Variants in LARGE1 observed in about 807,000 individuals in gnomAD.
LARGE1 encodes the protein LARGE xylosyl- and glucuronyltransferase 1.
Under a neutral mutation model 87.6 loss-of-function variants are expected in LARGE1, and 43 were observed. That is an observed-to-expected ratio of 0.49 (90% CI 0.38 to 0.63). LARGE1 has a LOEUF of 0.63. Ranked by LOEUF, LARGE1 falls within the 30% of genes least tolerant of loss-of-function variation. The probability of loss-of-function intolerance (pLI) is 0.00; values close to 1 mark genes in which losing one functional copy is unlikely to be tolerated. For missense variants in LARGE1, 802 were observed against 1,000.2 expected, an observed-to-expected ratio of 0.80 and a Z score of 2.67; for synonymous variants, 434 against 394.6, an observed-to-expected ratio of 1.10 and a Z score of -1.18.
At chr22:33,483,208 C>CGGA (rs1569203093) in intron 6 of LARGE1, among the ~76,000 whole-genome samples, 1 of 152,134 alleles carries the variant, frequency 6.6e-6, no homozygotes, top group African/African-American at 2.4e-5. Flanking sequence ...TAGCATCATC[C>CGGA]GGAGGCTCGG....
intron 6 of LARGE1, among the ~76,000 whole-genome samples, chr22:33,511,501 G>A (rs2071054384): frequency 6.6e-6 from 1 of 152,110 alleles, no homozygotes; most frequent in Non-Finnish European, 1.5e-5. Flanking sequence ...TGGATTTTAG[G>A]TGACCTAAGA....
At chr22:33,359,560 C>CTTTTTTTT (rs539990533) in intron 9 of LARGE1, among the ~76,000 whole-genome samples, 38 of 119,234 alleles carry the variant, frequency 3.2e-4, no homozygotes, top group African/African-American at 1.1e-3. Flanking sequence ...GCAGACTCAT[C>CTTTTTTTT]TTTTTTTTTT....
intron 2 of LARGE1, among the ~76,000 whole-genome samples, chr22:33,723,221 C>T (rs564511217): frequency 5.3e-5 from 8 of 152,242 alleles, no homozygotes; most frequent in Non-Finnish European, 1.0e-4. Context: ...TTAAAAGAAC[C>T]GTATGAAGCT....
At chr22:33,412,809 T>C (rs946394507) in intron 7 of LARGE1, among the ~76,000 whole-genome samples, 1 of 152,212 alleles carries the variant, frequency 6.6e-6, no homozygotes, top group Non-Finnish European at 1.5e-5. Flanking sequence ...TACAGGCATG[T>C]GACCCCATGC....
intron 2 of LARGE1, among the ~76,000 whole-genome samples, chr22:33,714,371 A>G (rs904304237): frequency 6.6e-6 from 1 of 152,178 alleles, no homozygotes; most frequent in Admixed American, 6.5e-5. Flanking sequence ...CTGGCTGTGT[A>G]CCATGGAGAC....
chr22:33,290,200 C>T (rs1932278125), intron 12 of LARGE1, among the ~76,000 whole-genome samples: 1 of 152,122 alleles, frequency 6.6e-6, no homozygotes. Context: ...TAACTCCATC[C>T]TTTCCTCTAG....
chr22:33,898,339 T>A (rs1569020942), intron 1 of LARGE1, among the ~76,000 whole-genome samples: 1 of 152,184 alleles, frequency 6.6e-6, no homozygotes, highest in Non-Finnish European at 1.5e-5. Flanking sequence ...TTGGTCCACA[T>A]CCCTCTTGGG....
chr22:33,456,361 C>CA (rs921882885), intron 6 of LARGE1, among the ~76,000 whole-genome samples: 16 of 152,234 alleles, frequency 1.1e-4, no homozygotes, highest in African/African-American at 3.9e-4. Flanking sequence ...TTTGCTGTAT[C>CA]AATACTCCCC....
Position 33,273,625 on chromosome 22 carries a change from G to A in LARGE1, c.*802C>T. 2.5e-6 allele frequency: 1 copy of A among 398,834 alleles called. No individual in the cohort carries two copies. Among genetic ancestry groups the A allele is most frequent in the Non-Finnish European group, 4.4e-6 (1 of 226,292 alleles). 24.7% of individuals were successfully genotyped at this position (398,834 alleles called of 1,614,324 possible). ...GAGTAGGGAGTTCAAAGTCACGGGA[G>A]CCTCGGTGATCATCCTGAAGGAAGC... is the stretch of plus-strand genomic sequence containing the variant. On this transcript the variant is annotated 3_prime_UTR_variant, in exon 15 of 15. Transcript: ENST00000397394.
intron 6 of LARGE1, among the ~76,000 whole-genome samples, chr22:33,440,945 G>A (rs2067444518): frequency 6.6e-6 from 1 of 151,998 alleles, no homozygotes; most frequent in Non-Finnish European, 1.5e-5. Context: ...AAGGGCGAGC[G>A]GTGTTTATAG....
At chr22:33,921,387 C>T (rs62225076), upstream of LARGE1, among the ~76,000 whole-genome samples, 9,756 of 152,256 alleles carry the variant, frequency 0.064, 379 homozygotes, top group African/African-American at 0.099. The surrounding 1 kb of genome is among the most constrained non-coding windows in gnomAD (Gnocchi z 4.1). Flanking sequence ...GGAAGGGAAG[C>T]GGGACGGGCC....
chr22:33,243,196 T>C (rs151114965), intron 11 of LARGE1, among the ~76,000 whole-genome samples: 46 of 152,346 alleles, frequency 3.0e-4, no homozygotes, highest in African/African-American at 1.1e-3. Context: ...ACAATAACCA[T>C]TGAAAACTTT....
At chr22:33,316,057 C>G (rs1287777033) in intron 11 of LARGE1, 28 bp downstream of exon 11, 1 of 1,611,866 alleles carries the variant, frequency 6.2e-7, no homozygotes, top group African/African-American at 1.3e-5. Context: ...GGTGAGGAGA[C>G]TGGGGTGGGT....
chr22:33,703,972 G>T (rs1347514119), intron 2 of LARGE1, among the ~76,000 whole-genome samples: 1 of 152,204 alleles, frequency 6.6e-6, no homozygotes, highest in Non-Finnish European at 1.5e-5. Context: ...CTCAGGCCAA[G>T]TCATGGGAGG....
At chr22:33,719,528 TTTA>T (rs1475869738) in intron 2 of LARGE1, among the ~76,000 whole-genome samples, 24 of 151,064 alleles carry the variant, frequency 1.6e-4, no homozygotes, top group African/African-American at 5.1e-4. Context: ...TATTTATTTA[TTTA>T]TTTTTTTGAG....
chr22:33,693,305 A>AC (rs2082147925), intron 2 of LARGE1, among the ~76,000 whole-genome samples: 1 of 152,076 alleles, frequency 6.6e-6, no homozygotes, highest in South Asian at 2.1e-4. Context: ...AATGTACACT[A>AC]CTTGGGTGAC....
At chr22:33,804,434 G>A (rs765558256) in intron 1 of LARGE1, among the ~76,000 whole-genome samples, 8 of 152,158 alleles carry the variant, frequency 5.3e-5, no homozygotes, top group East Asian at 1.9e-4. Context: ...CCATGAACAT[G>A]TATTTGGCAC....
At chr22:33,390,263 T>G (rs920254070) in intron 7 of LARGE1, among the ~76,000 whole-genome samples, 4 of 152,144 alleles carry the variant, frequency 2.6e-5, no homozygotes, top group African/African-American at 9.7e-5. Context: ...TCACAAAGCT[T>G]ATGAATTTCA....
Position 33,909,942 on chromosome 22 carries a change from T to C in LARGE1, c.-83+10053A>G, listed in dbSNP as rs1436702512. Among the ~76,000 whole-genome samples the C allele has an allele frequency of 3.3e-5, 5 of 152,240 alleles. No homozygotes were observed. The East Asian group carries it at 5.8e-4, about 18-fold the overall frequency. On this transcript the variant is annotated intron_variant, in intron 1 of 14. Coordinates refer to ENST00000397394, the MANE Select transcript of LARGE1 (RefSeq NM_133642.5). ...TGCTTGCCAAACTACCCTCCCTTAA[T>C]CCTTCCATTCAGATTTTAACTGTCT...
Sources: gnomAD v4.1 joint callset for allele counts (sites outside exome capture counted in the v4.1 genomes callset) on GRCh38, gnomAD v4.1.1 for gene constraint, Gnocchi (gnomAD v3.1) non-coding constraint, MANE v1.5 for transcripts, NCBI Gene and HGNC (gene_info 2026-07-23, HGNC 2026-07-21) for gene names.